The following TRHDE variants were observed in gnomAD, a reference collection of about 807,000 sequenced individuals.
The protein encoded by TRHDE is thyrotropin-releasing hormone-degrading ectoenzyme.
Under a neutral mutation model 125.7 loss-of-function variants are expected in TRHDE, and 72 were observed. The ratio of observed to expected loss-of-function variants is 0.57; its 90% CI spans 0.47 to 0.70. TRHDE has a LOEUF of 0.70. TRHDE is among the 30% of genes least tolerant of loss of function. The pLI, the probability that TRHDE is intolerant of heterozygous loss-of-function variation, is 0.00. For missense variants in TRHDE, 1,110 were observed against 1,327.1 expected (o/e 0.84, Z 2.54); for synonymous variants, 509 against 509.1 (o/e 1.00, Z 0.00).
intron 18 of TRHDE, among the ~76,000 whole-genome samples, chr12:72,662,179 A>G (rs550050432): frequency 3.9e-5 from 6 of 152,190 alleles, no homozygotes; most frequent in Non-Finnish European, 7.4e-5. Flanking sequence ...ACCCCACACT[A>G]ATTACACCAC....
At chr12:72,128,487 A>G (rs1875777255) in intron 2 of TRHDE, among the ~76,000 whole-genome samples, 1 of 152,234 alleles carries the variant, frequency 6.6e-6, no homozygotes, top group African/African-American at 2.4e-5. Context: ...ACAAGAACTG[A>G]CACAGATGTT....
chr12:72,390,409 ACAG>A, intron 3 of TRHDE, among the ~76,000 whole-genome samples: 1 of 152,264 alleles, frequency 6.6e-6, no homozygotes, highest in Non-Finnish European at 1.5e-5. Context: ...ATTACTGCTG[ACAG>A]CAGCACTGCC....
At chr12:72,640,686 C>T (rs999576904) in intron 15 of TRHDE, among the ~76,000 whole-genome samples, 1 of 152,184 alleles carries the variant, frequency 6.6e-6, no homozygotes, top group African/African-American at 2.4e-5. Flanking sequence ...CACCCGTCTT[C>T]TGCATCGCTC....
intron 12 of TRHDE, among the ~76,000 whole-genome samples, chr12:72,603,597 C>A (rs534787135): frequency 1.3e-5 from 2 of 152,022 alleles, no homozygotes; most frequent in African/African-American, 4.8e-5. Context: ...TGGTGGCAGG[C>A]GCCTGTAGTC....
At chr12:72,088,822 C>T (rs1221518164) in intron 1 of TRHDE, among the ~76,000 whole-genome samples, 1 of 151,814 alleles carries the variant, frequency 6.6e-6, no homozygotes, top group Non-Finnish European at 1.5e-5. Flanking sequence ...TCTTTTCTCT[C>T]CTCCCCTCCC....
At chr12:72,380,778 C>A (rs190985568) in intron 3 of TRHDE, among the ~76,000 whole-genome samples, 1 of 125,908 alleles carries the variant, frequency 7.9e-6, no homozygotes, top group African/African-American at 3.1e-5. Flanking sequence ...TTCCTTCCTT[C>A]CTTCCTTCCT....
At chr12:72,107,100 A>G (rs1306195294) in intron 2 of TRHDE, among the ~76,000 whole-genome samples, 1 of 152,126 alleles carries the variant, frequency 6.6e-6, no homozygotes, top group African/African-American at 2.4e-5. Context: ...AATGAATAGT[A>G]ATGACATGTC....
chr12:72,130,284 T>C (rs1178440559), intron 2 of TRHDE, among the ~76,000 whole-genome samples: 1 of 152,038 alleles, frequency 6.6e-6, no homozygotes, highest in Middle Eastern at 3.2e-3. Context: ...GCCTAGGTGA[T>C]AGAGAAAAAG....
At chr12:72,612,060 C>T (rs1263291392) in intron 12 of TRHDE, among the ~76,000 whole-genome samples, 3 of 152,272 alleles carry the variant, frequency 2.0e-5, no homozygotes, top group Admixed American at 1.3e-4. Context: ...TTTTCCTCAG[C>T]TAACTCCACT....
intron 3 of TRHDE, among the ~76,000 whole-genome samples, chr12:72,412,977 A>C (rs1407812543): frequency 6.6e-6 from 1 of 151,978 alleles, no homozygotes; most frequent in Non-Finnish European, 1.5e-5. Flanking sequence ...GGTGGTGCAC[A>C]CTTGTGGGGT....
chr12:72,231,071 A>T (rs1260824954), intron 2 of TRHDE, among the ~76,000 whole-genome samples: 1 of 152,212 alleles, frequency 6.6e-6, no homozygotes, highest in East Asian at 1.9e-4. Flanking sequence ...TGTCATCAGA[A>T]TTAATTCACA....
At chr12:72,356,593 G>A (rs1870833865) in intron 2 of TRHDE, among the ~76,000 whole-genome samples, 2 of 151,558 alleles carry the variant, frequency 1.3e-5, no homozygotes, top group Admixed American at 6.6e-5. Flanking sequence ...ATGTAGAGGG[G>A]AAGGAATGGA....
At chr12:72,182,726 A>G (rs1319426363) in intron 2 of TRHDE, among the ~76,000 whole-genome samples, 4 of 152,210 alleles carry the variant, frequency 2.6e-5, no homozygotes, top group Non-Finnish European at 2.9e-5. Context: ...CCTGGATTCT[A>G]TATGTCCAAA....
chr12:72,122,540 A>T (rs1483680376), intron 2 of TRHDE, among the ~76,000 whole-genome samples: 2 of 152,212 alleles, frequency 1.3e-5, no homozygotes, highest in East Asian at 1.9e-4. Context: ...TTTGCAATAA[A>T]TGATTTCTAG....
intron 7 of TRHDE, among the ~76,000 whole-genome samples, chr12:72,554,429 C>G (rs2136001530): frequency 6.6e-6 from 1 of 152,292 alleles, no homozygotes; most frequent in East Asian, 1.9e-4. Flanking sequence ...TCCAAGATCA[C>G]ATGACTGGTA....
chr12:72,185,163 C>T (rs1191733577), intron 2 of TRHDE, among the ~76,000 whole-genome samples: 3 of 152,174 alleles, frequency 2.0e-5, no homozygotes, highest in Admixed American at 6.5e-5. Context: ...CTGCTGGCCC[C>T]GGGCAATGAG....
chr12:72,422,075 A>G (rs1011669009), intron 3 of TRHDE, among the ~76,000 whole-genome samples: 7 of 152,120 alleles, frequency 4.6e-5, no homozygotes, highest in African/African-American at 1.7e-4. Flanking sequence ...CCCATCCTGA[A>G]ACAATGGTTT....
chr12:72,259,169 T>C (rs1878888476), intron 2 of TRHDE, among the ~76,000 whole-genome samples: 1 of 152,180 alleles, frequency 6.6e-6, no homozygotes, highest in Non-Finnish European at 1.5e-5. Flanking sequence ...ATTTAAGAAA[T>C]AATCTCTTAC....
intron 7 of TRHDE, among the ~76,000 whole-genome samples, chr12:72,557,995 CT>C: frequency 6.6e-6 from 1 of 151,560 alleles, no homozygotes; most frequent in Non-Finnish European, 1.5e-5. Context: ...GCTCTTATTA[CT>C]GCATTTTAAA....
Sources: gnomAD v4.1 joint callset for allele counts (sites outside exome capture counted in the v4.1 genomes callset) on GRCh38, gnomAD v4.1.1 for gene constraint, MANE v1.5 for transcripts, NCBI Gene and HGNC (gene_info 2026-07-23, HGNC 2026-07-21) for gene names.